The following CD6 variants were observed in gnomAD, a reference collection of about 807,000 sequenced individuals.
The protein encoded by CD6 is T-cell differentiation antigen CD6.
Under a neutral mutation model 75.3 loss-of-function variants are expected in CD6, and 53 were observed. That is an observed-to-expected ratio of 0.70 (90% CI 0.56 to 0.88). The LOEUF (loss-of-function observed/expected upper bound fraction) is 0.88, where lower values mean the gene tolerates loss of function less well. Ranked by LOEUF, CD6 falls within the 40% of genes least tolerant of loss-of-function variation. The pLI is 0.00. For missense variants in CD6, 770 were observed against 897.1 expected, an observed-to-expected ratio of 0.86 and a Z score of 1.81; for synonymous variants, 359 against 381.5, an observed-to-expected ratio of 0.94 and a Z score of 0.69.
intron 1 of CD6, among the ~76,000 whole-genome samples, chr11:60,985,557 C>T (rs1857778425): frequency 7.0e-6 from 1 of 143,500 alleles, no homozygotes; most frequent in African/African-American, 2.4e-5. Context: ...CAAACCAATA[C>T]TACTTAAGTA....
rs1003638548 is a variant in CD6, at chr11:61,008,651, A to T, written c.587A>T (p.His196Leu). 1.2e-5 allele frequency: 19 copies of T among 1,608,416 alleles called. No homozygotes were observed. Among genetic ancestry groups the T allele is most frequent in the Non-Finnish European group, 1.6e-5 (19 of 1,177,940 alleles). Residue 196 changes from histidine to leucine, a missense_variant, in exon 4 of 13, where the codon CAC becomes CTC. Transcript: ENST00000313421. ...CDDTWDLEDA[H>L]VVCRQLGCGW... Reference sequence around the variant, plus strand: ...GACACTTGGGACCTGGAGGACGCCCACGTGGTGTGCAGGCAACTGGGCTGC... The same window carrying T: ...GACACTTGGGACCTGGAGGACGCCCTCGTGGTGTGCAGGCAACTGGGCTGC...
intron 9 of CD6, 108 bp from the exon 10 acceptor site, chr11:61,017,371 C>T (rs1176846222): frequency 1.2e-6 from 1 of 800,194 alleles, no homozygotes; most frequent in Non-Finnish European, 2.1e-6. Flanking sequence ...GAGTTGTCCT[C>T]CCACCCTATT....
At chr11:61,010,004 T>C in intron 5 of CD6, 130 bp downstream of exon 5, 1 of 879,628 alleles carries the variant, frequency 1.1e-6, no homozygotes, top group Non-Finnish European at 1.7e-6. Flanking sequence ...TAAGAAGGAC[T>C]GTTGTCCTTA....
chr11:61,015,174 T>C (rs1859342850), intron 8 of CD6, among the ~76,000 whole-genome samples: 1 of 152,240 alleles, frequency 6.6e-6, no homozygotes, highest in South Asian at 2.1e-4. Context: ...GCCTCACATA[T>C]AGTAAGTGCT....
chr11:60,984,828 G>A (rs1857737305), intron 1 of CD6, among the ~76,000 whole-genome samples: 1 of 152,214 alleles, frequency 6.6e-6, no homozygotes, highest in Non-Finnish European at 1.5e-5. Context: ...AGGGGCGGAG[G>A]CCCTGAGGCA....
intron 1 of CD6, 144 bp downstream of exon 1, chr11:60,972,058 C>T: frequency 1.2e-6 from 1 of 839,642 alleles, no homozygotes; most frequent in Admixed American, 2.1e-5. Context: ...GGAGGTCCAG[C>T]ATCTGGGGCT....
intron 1 of CD6, among the ~76,000 whole-genome samples, chr11:60,997,935 G>A (rs954750840): frequency 2.0e-5 from 3 of 152,152 alleles, no homozygotes; most frequent in Admixed American, 1.3e-4. Flanking sequence ...TTTTCCCTCC[G>A]AGTGGGGCTG....
intron 11 of CD6, 21 bp downstream of exon 11, chr11:61,018,034 AC>A: frequency 1.2e-6 from 2 of 1,606,696 alleles, no homozygotes; most frequent in Non-Finnish European, 1.7e-6. Context: ...CCTCCCCCAA[AC>A]CCCCATCCCA....
Position 61,013,901 on chromosome 11 carries a change from C to T in CD6, c.1292-18C>T, listed in dbSNP as rs761126680. 1.3e-6 allele frequency: 2 copies of T among 1,566,080 alleles called. No homozygotes were observed. The highest frequency in any genetic ancestry group is 1.8e-5 in the Admixed American group (1 of 54,664). On this transcript the variant is annotated intron_variant, in intron 7 of 12. Coordinates refer to ENST00000313421, the MANE Select transcript of CD6 (RefSeq NM_006725.5). ...GGCAAAAAAATGACTTGTAGAATTT[C>T]TGCCTCCCCTCCCTCAGCCCTCCCC...
chr11:61,006,534 G>T, intron 1 of CD6, 40 bp from the exon 2 acceptor site: 1 of 1,537,654 alleles, frequency 6.5e-7, no homozygotes. Flanking sequence ...CTCCAGGCCT[G>T]AGCTCACTCA....
chr11:60,993,951 G>A (rs752870055), intron 1 of CD6, among the ~76,000 whole-genome samples: 1 of 152,112 alleles, frequency 6.6e-6, no homozygotes, highest in South Asian at 2.1e-4. Flanking sequence ...GCAATTGAAC[G>A]TACCTCAAAG....
At chr11:60,979,273 A>G (rs566727458) in intron 1 of CD6, among the ~76,000 whole-genome samples, 6 of 152,254 alleles carry the variant, frequency 3.9e-5, no homozygotes, top group Admixed American at 3.9e-4. Flanking sequence ...CTGAGGTCCT[A>G]GGGACCCTGG....
chr11:61,006,888 G>A (rs1858886716), intron 2 of CD6, among the ~76,000 whole-genome samples: 1 of 152,150 alleles, frequency 6.6e-6, no homozygotes, highest in African/African-American at 2.4e-5. Context: ...ATTTTAAGGG[G>A]ATTTGTTGAG....
At chr11:60,984,046 C>T (rs890378108) in intron 1 of CD6, among the ~76,000 whole-genome samples, 1 of 152,010 alleles carries the variant, frequency 6.6e-6, no homozygotes, top group African/African-American at 2.4e-5. Context: ...CTCTCCATGT[C>T]CCCTCTCCGG....
rs1336017037 is a variant in CD6, at chr11:61,002,929, G to A, written c.50-3645G>A. Among the ~76,000 whole-genome samples the A allele has an allele frequency of 2.0e-5, 3 of 149,710 alleles. No individual in the cohort carries two copies. The South Asian group carries it at 6.4e-4, about 32-fold the overall frequency. On this transcript the variant is annotated intron_variant, in intron 1 of 12. Coordinates refer to ENST00000313421, the MANE Select transcript of CD6 (RefSeq NM_006725.5). ...ATAACAGCATTAATCCGTTCATGAA[G>A]GCAGACTCCTCATGACCTAATCAAC...
intron 3 of CD6, 135 bp downstream of exon 3, chr11:61,008,045 A>T (rs1195191421): frequency 3.1e-5 from 16 of 515,226 alleles, no homozygotes; most frequent in Admixed American, 8.5e-5. Context: ...GTGCAAACGC[A>T]CCGGGTTCCC....
intron 1 of CD6, among the ~76,000 whole-genome samples, chr11:61,001,022 GA>G (rs919893059): frequency 1.3e-5 from 2 of 152,056 alleles, no homozygotes; most frequent in Non-Finnish European, 2.9e-5. Context: ...TCACTTTCCA[GA>G]ATTTGGGACA....
At chr11:61,010,010 C>A in intron 5 of CD6, 136 bp downstream of exon 5, 1 of 798,008 alleles carries the variant, frequency 1.3e-6, no homozygotes, top group Non-Finnish European at 1.9e-6. Flanking sequence ...GGACTGTTGT[C>A]CTTACGGTGC....
chr11:60,993,986 C>A (rs1344550852), intron 1 of CD6, among the ~76,000 whole-genome samples: 1 of 152,140 alleles, frequency 6.6e-6, no homozygotes, highest in Non-Finnish European at 1.5e-5. Flanking sequence ...TTGATCTTAT[C>A]TTTTAAGTTT....
Sources: allele counts gnomAD v4.1 joint callset (sites outside exome capture counted in the v4.1 genomes callset), GRCh38; gene constraint gnomAD v4.1.1; transcripts MANE v1.5; gene names NCBI Gene and HGNC (gene_info 2026-07-23, HGNC 2026-07-21).